Variants in PACSIN2 observed in about 807,000 individuals in gnomAD.
PACSIN2 encodes the protein protein kinase C and casein kinase substrate in neurons 2.
Under a neutral mutation model 63.8 loss-of-function variants are expected in PACSIN2, and 25 were observed. The ratio of observed to expected loss-of-function variants is 0.39; its 90% CI spans 0.29 to 0.55. PACSIN2 has a LOEUF of 0.55. Among genes scored for constraint, PACSIN2 ranks in the 20% least tolerant of loss-of-function variants. The pLI, the probability that PACSIN2 is intolerant of heterozygous loss-of-function variation, is 0.62. For synonymous variants in PACSIN2, 255 were observed against 256.2 expected (o/e 1.00, Z 0.05); for missense variants, 518 against 646.9 (o/e 0.80, Z 2.16).
At chr22:42,977,728 CAGTA>C (rs1310707447) in intron 1 of PACSIN2, among the ~76,000 whole-genome samples, 9 of 152,164 alleles carry the variant, frequency 5.9e-5, no homozygotes, top group African/African-American at 2.2e-4. Context: ...ATTCTCATGA[CAGTA>C]AGTGTGTTCT....
chr22:42,902,023 T>C (rs1930726209), intron 2 of PACSIN2, among the ~76,000 whole-genome samples: 1 of 152,198 alleles, frequency 6.6e-6, no homozygotes, highest in Admixed American at 6.5e-5. Flanking sequence ...TCTGAGCGTC[T>C]GGCAACACTC....
chr22:42,892,101 G>T (rs372825075), intron 3 of PACSIN2, among the ~76,000 whole-genome samples: 15 of 152,154 alleles, frequency 9.9e-5, no homozygotes, highest in Admixed American at 6.5e-5. Flanking sequence ...GGGCTGAGTC[G>T]CCTCTCCCTA....
chr22:42,994,966 G>C (rs1341229978), intron 1 of PACSIN2, among the ~76,000 whole-genome samples: 2 of 152,144 alleles, frequency 1.3e-5, no homozygotes, highest in Non-Finnish European at 1.5e-5. Context: ...CAGGACTCCC[G>C]CAACTGTGCC....
chr22:42,996,767 CT>C (rs1390410339), intron 1 of PACSIN2, among the ~76,000 whole-genome samples: 1 of 152,122 alleles, frequency 6.6e-6, no homozygotes, highest in African/African-American at 2.4e-5. Context: ...GTTGGTATTT[CT>C]GATGGTGTCC....
At chr22:42,971,948 G>A (rs1434389315) in intron 1 of PACSIN2, among the ~76,000 whole-genome samples, 2 of 145,568 alleles carry the variant, frequency 1.4e-5, no homozygotes, top group Non-Finnish European at 3.0e-5. Context: ...GCCTCTGCCC[G>A]GCCGCCCCGT....
intron 1 of PACSIN2, among the ~76,000 whole-genome samples, chr22:42,999,721 A>G (rs1236091239): frequency 1.3e-5 from 2 of 152,164 alleles, no homozygotes; most frequent in African/African-American, 4.8e-5. Context: ...GGACTGATGG[A>G]GCAGTCCCCT....
chr22:42,890,913 A>G lies in PACSIN2; in HGVS notation c.453+34T>C, dbSNP rs562576070. On this transcript the variant is annotated intron_variant, in intron 4 of 10. Coordinates refer to ENST00000263246, the MANE Select transcript of PACSIN2 (RefSeq NM_001184970.3). ...TGCTAGTGGGGTGCCAGGCAGAGCA[A>G]GGCCGGGCAGGGAAGCCTGCAGGAC... 2.4e-5 allele frequency: 38 copies of G among 1,567,276 alleles called. No individual in the cohort carries two copies. In the East Asian group the frequency reaches 8.1e-4, roughly 33 times the overall value.
intron 1 of PACSIN2, among the ~76,000 whole-genome samples, chr22:42,971,776 C>A (rs568277955): frequency 6.6e-6 from 1 of 151,232 alleles, no homozygotes; most frequent in Non-Finnish European, 1.5e-5. Flanking sequence ...CCCCGCCCGG[C>A]CAGCCGCCCC....
At chr22:42,982,144 C>T (rs9680549) in intron 1 of PACSIN2, among the ~76,000 whole-genome samples, 2 of 129,162 alleles carry the variant, frequency 1.5e-5, no homozygotes, top group African/African-American at 3.1e-5. Context: ...GCCCCCCGCC[C>T]GGCCAGCCGC....
chr22:42,900,326 A>G (rs1319859537), intron 2 of PACSIN2, among the ~76,000 whole-genome samples: 1 of 152,178 alleles, frequency 6.6e-6, no homozygotes, highest in Non-Finnish European at 1.5e-5. Flanking sequence ...AAAAGGTGCC[A>G]CACACTGAGT....
intron 1 of PACSIN2, among the ~76,000 whole-genome samples, chr22:42,918,229 GCTAGAAGAGCTGCCTCATGGCAC>G (rs1376591065): frequency 6.6e-6 from 1 of 152,216 alleles, no homozygotes; most frequent in African/African-American, 2.4e-5. Context: ...AGTCCAAGGA[GCTAGAAGAGCTGCCTCATGGCAC>G]CATGCAGTGT....
At chr22:42,873,000 G>C (rs931909857) in intron 10 of PACSIN2, among the ~76,000 whole-genome samples, 21 of 152,314 alleles carry the variant, frequency 1.4e-4, no homozygotes, top group Admixed American at 5.9e-4. Context: ...GCTAGGATGA[G>C]GCCTGTAACC....
chr22:42,941,663 G>A (rs146560829), intron 1 of PACSIN2, among the ~76,000 whole-genome samples: 87 of 152,286 alleles, frequency 5.7e-4, no homozygotes, highest in African/African-American at 1.9e-3. Flanking sequence ...ATCTTTTCAT[G>A]TGCTTATTGG....
chr22:42,883,796 G>T (rs1602179067), intron 6 of PACSIN2, among the ~76,000 whole-genome samples: 1 of 152,202 alleles, frequency 6.6e-6, no homozygotes, highest in African/African-American at 2.4e-5. Context: ...ACAAGGTCAA[G>T]AGATCGAGAC....
chr22:43,001,430 T>G (rs1339864342), intron 1 of PACSIN2, among the ~76,000 whole-genome samples: 2 of 152,196 alleles, frequency 1.3e-5, no homozygotes, highest in Non-Finnish European at 2.9e-5. Context: ...ACACTTGTGA[T>G]AAAAATGCAG....
intron 1 of PACSIN2, among the ~76,000 whole-genome samples, chr22:42,962,912 G>A (rs1347469754): frequency 2.0e-5 from 3 of 152,198 alleles, no homozygotes; most frequent in Non-Finnish European, 4.4e-5. Flanking sequence ...CTCACTAGTG[G>A]ATTCCAGGCA....
At chr22:42,879,521 A>C (rs548331786) in intron 7 of PACSIN2, among the ~76,000 whole-genome samples, 1 of 152,104 alleles carries the variant, frequency 6.6e-6, no homozygotes, top group East Asian at 1.9e-4. Context: ...GACCCCACCC[A>C]CCAAGGTTCT....
At chr22:42,911,693 T>TA (rs780150702) in intron 2 of PACSIN2, among the ~76,000 whole-genome samples, 118 of 152,166 alleles carry the variant, frequency 7.8e-4, no homozygotes, top group Non-Finnish European at 8.2e-4. Flanking sequence ...GCTGAGCAAT[T>TA]AGTGTCTGTC....
intron 1 of PACSIN2, among the ~76,000 whole-genome samples, chr22:42,989,380 C>T (rs1302128535): frequency 6.6e-6 from 1 of 151,328 alleles, no homozygotes; most frequent in Non-Finnish European, 1.5e-5. Flanking sequence ...TGCCTGTAAT[C>T]CCAGCTACTA....
Sources: allele counts gnomAD v4.1 joint callset (sites outside exome capture counted in the v4.1 genomes callset), GRCh38; gene constraint gnomAD v4.1.1; transcripts MANE v1.5; gene names NCBI Gene and HGNC (gene_info 2026-07-23, HGNC 2026-07-21).